The following IQCH variants were observed in gnomAD, a reference collection of about 807,000 sequenced individuals.
IQCH encodes the protein IQ motif containing H.
IQCH carries 98 observed loss-of-function variants against 117.0 expected under a neutral mutation model. The observed-to-expected ratio is 0.84, with a 90% CI of 0.71 to 0.99. The LOEUF is 0.99. IQCH is among the 50% of genes least tolerant of loss of function. The pLI, the probability that IQCH is intolerant of heterozygous loss-of-function variation, is 0.00. For missense variants in IQCH, 1,102 were observed against 1,243.8 expected (o/e 0.89, Z 1.72); for synonymous variants, 412 against 448.2 (o/e 0.92, Z 1.02).
intron 6 of IQCH, among the ~76,000 whole-genome samples, chr15:67,349,989 T>C (rs1277119290): frequency 6.6e-6 from 1 of 152,214 alleles, no homozygotes; most frequent in Non-Finnish European, 1.5e-5. Flanking sequence ...AACATGCATT[T>C]ACTGTATGAC....
intron 4 of IQCH, among the ~76,000 whole-genome samples, chr15:67,288,341 G>A (rs1966637608): frequency 6.6e-6 from 1 of 152,068 alleles, no homozygotes; most frequent in Admixed American, 6.6e-5. Flanking sequence ...TGAAAGTGGG[G>A]TGTTGAAGTC....
chr15:67,447,687 CAAAG>C lies in IQCH; in HGVS notation c.2506-17439_2506-17436del, dbSNP rs1453130360. Among the ~76,000 whole-genome samples the C allele has an allele frequency of 7.7e-4, 117 of 152,186 alleles. No homozygotes were observed. Among genetic ancestry groups the C allele is most frequent in the African/African-American group, 2.6e-3 (109 of 41,532 alleles). On this transcript the variant is annotated intron_variant, in intron 16 of 20. Transcript: ENST00000335894. The surrounding 1 kb of genome is among the most constrained non-coding windows in gnomAD (Gnocchi z 5.3). ...CAGGAGAAGGTGGAAACATCTGGGA[CAAAG>C]CTTTTCTGAGCCACCGGCCCACTAC...
Position 67,473,861 on chromosome 15 carries a change from G to C in IQCH, c.2677-1835G>C, listed in dbSNP as rs1288551605. On this transcript the variant is annotated intron_variant, in intron 17 of 20. Coordinates refer to ENST00000335894, the MANE Select transcript of IQCH (RefSeq NM_001031715.3). This position sits in a 1 kb window ranked among gnomAD's most constrained non-coding sequence, Gnocchi z 4.9. ...GGCTACAAATGGGACGCTACAAGTG[G>C]GGTAAACAACTCAAGATGTATTAGC... Among the ~76,000 whole-genome samples the C allele has an allele frequency of 1.3e-5, 2 of 151,726 alleles. No homozygotes were observed. The highest frequency in any genetic ancestry group is 2.9e-5 in the Non-Finnish European group (2 of 68,018).
At chr15:67,461,282 G>C (rs1429677829) in intron 16 of IQCH, among the ~76,000 whole-genome samples, 1 of 152,236 alleles carries the variant, frequency 6.6e-6, no homozygotes, top group Non-Finnish European at 1.5e-5. Flanking sequence ...GAGGTGCTCA[G>C]TGAATATTTG....
At chr15:67,270,770 G>A (rs2140453089) in intron 3 of IQCH, among the ~76,000 whole-genome samples, 1 of 152,254 alleles carries the variant, frequency 6.6e-6, no homozygotes, top group Admixed American at 6.5e-5. Flanking sequence ...AGAACCATGA[G>A]CCAAATAAAT....
intron 5 of IQCH, among the ~76,000 whole-genome samples, chr15:67,338,897 C>A (rs911067812): frequency 6.6e-6 from 1 of 152,134 alleles, no homozygotes; most frequent in Non-Finnish European, 1.5e-5. Flanking sequence ...CCTAGGCCTT[C>A]GCTCTCATCT....
intron 3 of IQCH, among the ~76,000 whole-genome samples, chr15:67,278,034 G>T (rs1030075557): frequency 1.3e-5 from 2 of 152,150 alleles, no homozygotes; most frequent in Non-Finnish European, 2.9e-5. Flanking sequence ...CTTTTGGTGG[G>T]TCTTTGCCCT....
chr15:67,359,733 C>A lies in IQCH; in HGVS notation c.715-114C>A. On this transcript the variant is annotated intron_variant, in intron 7 of 20. Coordinates refer to ENST00000335894, the MANE Select transcript of IQCH (RefSeq NM_001031715.3). The surrounding 1 kb of genome is among the most constrained non-coding windows in gnomAD (Gnocchi z 4.5). ...TGCCTGCGTGGAAAGAGAGAACAGG[C>A]TGGCCCAGCGGGTAAAATGGGGAAG... 1.1e-6 allele frequency: 1 copy of A among 879,516 alleles called. No individual in the cohort carries two copies. Among genetic ancestry groups the A allele is most frequent in the Non-Finnish European group, 1.9e-6 (1 of 516,770 alleles). 54.5% of individuals were successfully genotyped at this position (879,516 alleles called of 1,614,324 possible). A position where few individuals can be genotyped will look rare whatever the true frequency, so the allele number is the denominator to read the frequency against.
chr15:67,306,539 C>A (rs1379141440), intron 4 of IQCH, among the ~76,000 whole-genome samples: 1 of 152,028 alleles, frequency 6.6e-6, no homozygotes, highest in African/African-American at 2.4e-5. Flanking sequence ...TAGCCAATTT[C>A]CATTATTTGT....
intron 4 of IQCH, among the ~76,000 whole-genome samples, chr15:67,290,692 T>A (rs1485694684): frequency 6.6e-6 from 1 of 151,490 alleles, no homozygotes; most frequent in African/African-American, 2.4e-5. Context: ...GAAAGAATTC[T>A]TGGAGATTTT....
chr15:67,296,844 A>G (rs900022298), intron 4 of IQCH, among the ~76,000 whole-genome samples: 3 of 152,168 alleles, frequency 2.0e-5, no homozygotes, highest in Non-Finnish European at 4.4e-5. Context: ...TGACAATATC[A>G]TATACTTCCT....
At position 67,466,670 on chromosome 15, in the gene IQCH, C is replaced by A. The variant is rs2082940447; in HGVS notation, c.2676+1373C>A. 2 of 152,304 alleles carry A rather than the reference C, an allele frequency of 1.3e-5. No homozygotes were observed. Among genetic ancestry groups the A allele is most frequent in the Non-Finnish European group, 2.9e-5 (2 of 68,170 alleles). 9.4% of individuals were successfully genotyped at this position (152,304 alleles called of 1,614,324 possible). On this transcript the variant is annotated intron_variant, in intron 17 of 20. Transcript: ENST00000335894. This position sits in a 1 kb window ranked among gnomAD's most constrained non-coding sequence, Gnocchi z 4.4. ...CTTCATCCAGTTGCCCAATCAGGTA[C>A]CAGGAAGAACCTTGCTCACAAGAAT...
At position 67,455,115 on chromosome 15, in the gene IQCH, T is replaced by A. The variant is rs553266691; in HGVS notation, c.2506-10012T>A. Among the ~76,000 whole-genome samples the A allele has an allele frequency of 4.9e-4, 75 of 152,294 alleles. No individual in the cohort carries two copies. In the Middle Eastern group the frequency reaches 0.017, roughly 35 times the overall value. On this transcript the variant is annotated intron_variant, in intron 16 of 20. Transcript: ENST00000335894. ...ATCCTTGTGGGTGTGAAGGAGCATCTCTTATCTGTGTTTTCAAGGAAGATT... is the reference window on the plus strand; with the variant it reads ...ATCCTTGTGGGTGTGAAGGAGCATCACTTATCTGTGTTTTCAAGGAAGATT...
chr15:67,343,082 A>G (rs1444935), intron 5 of IQCH, among the ~76,000 whole-genome samples: 31,998 of 152,154 alleles, frequency 0.21, 4,107 homozygotes, highest in East Asian at 0.48. Flanking sequence ...CTATAACACT[A>G]GACTAACATT....
At chr15:67,315,125 T>C (rs891954692) in intron 4 of IQCH, among the ~76,000 whole-genome samples, 10 of 152,314 alleles carry the variant, frequency 6.6e-5, no homozygotes, top group Admixed American at 6.5e-4. Context: ...ATGTACAAAC[T>C]GAAATGCCAC....
intron 16 of IQCH, among the ~76,000 whole-genome samples, chr15:67,450,129 TGAA>T (rs2082486557): frequency 6.6e-6 from 1 of 152,158 alleles, no homozygotes. Flanking sequence ...TGGGCTGAGA[TGAA>T]GGGGTTTTCT....
At position 67,494,267 on chromosome 15, in the gene IQCH, C is replaced by T. The variant is rs750648450; in HGVS notation, c.2871C>T (p.Gly957=). Residue 957 remains glycine, a synonymous_variant, in exon 20 of 21, where the codon GGC becomes GGT. Coordinates refer to ENST00000335894, the MANE Select transcript of IQCH (RefSeq NM_001031715.3). This position sits in a 1 kb window ranked among gnomAD's most constrained non-coding sequence, Gnocchi z 5.5. ...TGGATATCATTAACAGAACAATCGG[C>T]GAGGATCTCCAGGGGGTCCTCATGA... ...KRHKLGMLTI[G]EDLQGVLMTF... The T allele has an allele frequency of 1.9e-5, 31 of 1,606,930 alleles. No homozygotes were observed. Among genetic ancestry groups the T allele is most frequent in the Middle Eastern group, 3.3e-4 (2 of 6,050 alleles).
chr15:67,410,249 A>C (rs1214377875), intron 14 of IQCH, among the ~76,000 whole-genome samples: 4 of 152,242 alleles, frequency 2.6e-5, no homozygotes, highest in African/African-American at 9.6e-5. Flanking sequence ...TTAAATGATG[A>C]GAATGTATTA....
chr15:67,279,945 G>A (rs1396623713), intron 4 of IQCH, among the ~76,000 whole-genome samples: 2 of 152,078 alleles, frequency 1.3e-5, no homozygotes, highest in Non-Finnish European at 2.9e-5. Flanking sequence ...GAACCCGGGA[G>A]GCGGAACTTT....
Sources: allele counts gnomAD v4.1 joint callset (sites outside exome capture counted in the v4.1 genomes callset), GRCh38; gene constraint gnomAD v4.1.1; non-coding constraint Gnocchi (gnomAD v3.1); transcripts MANE v1.5; gene names NCBI Gene and HGNC (gene_info 2026-07-23, HGNC 2026-07-21).